PPP2R5C: variants seen among roughly 807,000 people sequenced by gnomAD.
PPP2R5C encodes the protein serine/threonine-protein phosphatase 2A 56 kDa regulatory subunit gamma isoform.
In PPP2R5C, 7 loss-of-function variants were observed where a neutral mutation model predicts 68.9. The observed-to-expected ratio is 0.10, with a 90% CI of 0.06 to 0.19. The LOEUF (loss-of-function observed/expected upper bound fraction) is 0.19. Ranked by LOEUF, PPP2R5C falls within the 10% of genes least tolerant of loss-of-function variation. PPP2R5C has a pLI of 1.00. For missense variants in PPP2R5C, 348 were observed against 641.3 expected (o/e 0.54, Z 4.94); for synonymous variants, 210 against 222.2 (o/e 0.95, Z 0.49).
chr14:101,838,423 G>C (rs2041254244), intron 1 of PPP2R5C, among the ~76,000 whole-genome samples: 1 of 152,182 alleles, frequency 6.6e-6, no homozygotes, highest in Admixed American at 6.5e-5. Context: ...AATTTCAAAA[G>C]CATGGAAAAG....
intron 2 of PPP2R5C, among the ~76,000 whole-genome samples, chr14:101,858,789 C>T (rs2042587335): frequency 6.6e-6 from 1 of 152,146 alleles, no homozygotes; most frequent in Non-Finnish European, 1.5e-5. Context: ...AGGGAAGAAT[C>T]TACAAAGAAT....
intron 9 of PPP2R5C, among the ~76,000 whole-genome samples, chr14:101,903,304 T>C (rs988949346): frequency 3.9e-5 from 6 of 152,220 alleles, no homozygotes; most frequent in African/African-American, 1.4e-4. Context: ...CACAATGTGC[T>C]GTTTTGCATA....
intron 2 of PPP2R5C, among the ~76,000 whole-genome samples, chr14:101,779,716 G>T (rs553132993): frequency 6.6e-6 from 1 of 152,244 alleles, no homozygotes; most frequent in Non-Finnish European, 1.5e-5. Context: ...GCAGTGGGGA[G>T]CCACTGGCAT....
chr14:101,761,498 T>TG (rs1202718190), upstream of PPP2R5C, among the ~76,000 whole-genome samples: 3 of 84,654 alleles, frequency 3.5e-5, no homozygotes, highest in East Asian at 1.1e-3. Context: ...GCGGAGAGGG[T>TG]GGGGGGAGCG....
At chr14:101,900,513 C>T (rs1002757542) in intron 8 of PPP2R5C, among the ~76,000 whole-genome samples, 1 of 152,176 alleles carries the variant, frequency 6.6e-6, no homozygotes, top group Non-Finnish European at 1.5e-5. Flanking sequence ...TCTAACGCAC[C>T]GGATTGCACT....
At chr14:101,834,937 C>G (rs994387543) in intron 1 of PPP2R5C, among the ~76,000 whole-genome samples, 1 of 152,194 alleles carries the variant, frequency 6.6e-6, no homozygotes, top group African/African-American at 2.4e-5. Context: ...GAAGGTCTGG[C>G]CAGACTTTAG....
intron 1 of PPP2R5C, among the ~76,000 whole-genome samples, chr14:101,842,796 T>C (rs1175267762): frequency 6.6e-6 from 1 of 151,822 alleles, no homozygotes; most frequent in South Asian, 2.1e-4. Context: ...TACTGAGTTT[T>C]ATTTCGCATG....
intron 2 of PPP2R5C, among the ~76,000 whole-genome samples, chr14:101,864,174 T>C (rs949174359): frequency 6.6e-6 from 1 of 152,218 alleles, no homozygotes; most frequent in African/African-American, 2.4e-5. Context: ...TGAGGTTTTC[T>C]GCATAGACTT....
At chr14:101,837,221 GCAACCTCC>G (rs1169857058) in intron 1 of PPP2R5C, among the ~76,000 whole-genome samples, 26 of 152,112 alleles carry the variant, frequency 1.7e-4, no homozygotes, top group African/African-American at 6.3e-4. Context: ...TCGGCTCACC[GCAACCTCC>G]GCCCCTTGGG....
chr14:101,841,121 G>A (rs191750554), intron 1 of PPP2R5C, among the ~76,000 whole-genome samples: 243 of 152,288 alleles, frequency 1.6e-3, no homozygotes, highest in African/African-American at 5.7e-3. Context: ...CCATTTTCCA[G>A]TTGAGAAAAC....
At chr14:101,798,467 A>C (rs1315094922) in intron 3 of PPP2R5C, among the ~76,000 whole-genome samples, 4 of 152,228 alleles carry the variant, frequency 2.6e-5, no homozygotes, top group Non-Finnish European at 5.9e-5. Context: ...TCAAAGAATA[A>C]AGAATAATTC....
chr14:101,854,488 C>T (rs1001077400), intron 1 of PPP2R5C, among the ~76,000 whole-genome samples: 4 of 152,186 alleles, frequency 2.6e-5, no homozygotes, highest in Non-Finnish European at 4.4e-5. Flanking sequence ...AGATGACTTG[C>T]TCAGAGTCAT....
At chr14:101,788,746 A>G (rs1281622814) in intron 3 of PPP2R5C, among the ~76,000 whole-genome samples, 3 of 152,216 alleles carry the variant, frequency 2.0e-5, no homozygotes, top group Non-Finnish European at 4.4e-5. Flanking sequence ...ATGCCTCTGT[A>G]TATATACTAA....
intron 2 of PPP2R5C, among the ~76,000 whole-genome samples, chr14:101,864,559 C>A (rs968875807): frequency 6.6e-6 from 1 of 152,168 alleles, no homozygotes; most frequent in Non-Finnish European, 1.5e-5. Context: ...AGAGCACAGG[C>A]ATAGGAGGCC....
At chr14:101,908,342 A>G (rs2046179531) in intron 10 of PPP2R5C, among the ~76,000 whole-genome samples, 1 of 152,190 alleles carries the variant, frequency 6.6e-6, no homozygotes, top group South Asian at 2.1e-4. Flanking sequence ...TCCACCCTCA[A>G]CAACCTGTTC....
upstream of PPP2R5C, chr14:101,761,774 A>G (rs1440222313): frequency 4.3e-6 from 4 of 940,434 alleles, no homozygotes; most frequent in African/African-American, 2.2e-5. Flanking sequence ...CGAAAGACTC[A>G]GTCCCCGGGC....
intron 3 of PPP2R5C, among the ~76,000 whole-genome samples, chr14:101,788,650 A>G (rs959439114): frequency 6.6e-6 from 1 of 152,216 alleles, no homozygotes; most frequent in African/African-American, 2.4e-5. Context: ...GTAAATCCAC[A>G]TATCCAGGAG....
At chr14:101,761,956 G>A (rs2036566124) in intron 1 of PPP2R5C, 36 bp downstream of exon 1, 1 of 1,191,008 alleles carries the variant, frequency 8.4e-7, no homozygotes, top group Non-Finnish European at 1.1e-6. Flanking sequence ...GGAGGGAGCA[G>A]GGAGGGACTG....
chr14:101,886,310 G>A (rs564098016), intron 5 of PPP2R5C, among the ~76,000 whole-genome samples: 2 of 151,858 alleles, frequency 1.3e-5, no homozygotes, highest in Admixed American at 6.6e-5. Flanking sequence ...AGTAGAAAGT[G>A]TTTTGTACCT....
Sources: allele counts gnomAD v4.1 joint callset (sites outside exome capture counted in the v4.1 genomes callset), GRCh38; gene constraint gnomAD v4.1.1; transcripts MANE v1.5; gene names NCBI Gene and HGNC (gene_info 2026-07-23, HGNC 2026-07-21).